ABI1: variants seen among roughly 807,000 people sequenced by gnomAD.
ABI1 encodes Abelson interactor 1.
Under a neutral mutation model 54.6 loss-of-function variants are expected in ABI1, and 14 were observed. The ratio of observed to expected loss-of-function variants is 0.26; its 90% CI spans 0.17 to 0.40. ABI1 has a LOEUF of 0.40. Ranked by LOEUF, ABI1 falls within the 10% of genes least tolerant of loss-of-function variation. The pLI is 1.00. For synonymous variants in ABI1, 194 were observed against 209.3 expected (o/e 0.93, Z 0.63); for missense variants, 443 against 598.3 (o/e 0.74, Z 2.71).
chr10:26,806,398 T>C (rs746497896), intron 2 of ABI1, among the ~76,000 whole-genome samples: 4 of 152,170 alleles, frequency 2.6e-5, no homozygotes, highest in Non-Finnish European at 5.9e-5. Context: ...AAATTGATGC[T>C]CCAGTGTCCA....
intron 1 of ABI1, among the ~76,000 whole-genome samples, chr10:26,851,852 A>T (rs761514000): frequency 5.9e-5 from 9 of 152,180 alleles, no homozygotes; most frequent in Non-Finnish European, 1.2e-4. Flanking sequence ...ACAAGAAAGG[A>T]AAGGGTCAGA....
intron 1 of ABI1, among the ~76,000 whole-genome samples, chr10:26,858,301 G>C (rs11015349): frequency 0.061 from 9,337 of 152,038 alleles, 424 homozygotes; most frequent in East Asian, 0.19. Flanking sequence ...TAGCACCAAA[G>C]TCAGCAGCAC....
intron 2 of ABI1, among the ~76,000 whole-genome samples, chr10:26,781,676 G>C (rs6482575): frequency 0.57 from 87,350 of 152,052 alleles, 27,272 homozygotes; most frequent in African/African-American, 0.83. Context: ...AACTGCCTAG[G>C]TATTTAGTCA....
intron 2 of ABI1, among the ~76,000 whole-genome samples, chr10:26,811,461 G>C (rs534762784): frequency 6.6e-5 from 10 of 152,230 alleles, no homozygotes; most frequent in Admixed American, 4.6e-4. Flanking sequence ...TTCCAAAGAA[G>C]GGGAGTTAGG....
intron 2 of ABI1, among the ~76,000 whole-genome samples, chr10:26,813,768 T>C (rs1032086406): frequency 1.3e-5 from 2 of 152,228 alleles, no homozygotes; most frequent in Admixed American, 6.5e-5. Flanking sequence ...ATGCCACTCT[T>C]CTCATAAATT....
intron 5 of ABI1, 106 bp from the exon 6 acceptor site, chr10:26,769,098 A>C: frequency 1.2e-6 from 1 of 830,162 alleles, no homozygotes; most frequent in Non-Finnish European, 1.7e-6. Context: ...CCAGGATTTA[A>C]AAATATATAT....
intron 2 of ABI1, among the ~76,000 whole-genome samples, chr10:26,791,386 AC>A (rs1446731832): frequency 1.3e-5 from 2 of 151,864 alleles, no homozygotes; most frequent in Admixed American, 6.6e-5. Context: ...GATACAACAC[AC>A]CCCCATCTAC....
At chr10:26,761,617 CATATATAT>C (rs1164854399) in intron 7 of ABI1, among the ~76,000 whole-genome samples, 3,037 of 49,808 alleles carry the variant, frequency 0.061, 111 homozygotes, top group African/African-American at 0.1. Flanking sequence ...TAGTTTTTGT[CATATATAT>C]ATATATATAT....
At chr10:26,826,355 G>C (rs1477696869) in intron 1 of ABI1, among the ~76,000 whole-genome samples, 2 of 152,152 alleles carry the variant, frequency 1.3e-5, no homozygotes, top group African/African-American at 2.4e-5. Flanking sequence ...TCAACAGTTG[G>C]CTTAAAAGAT....
chr10:26,854,775 T>C (rs1381675866), intron 1 of ABI1, among the ~76,000 whole-genome samples: 1 of 152,256 alleles, frequency 6.6e-6, no homozygotes, highest in Non-Finnish European at 1.5e-5. Flanking sequence ...ACCTGGTTTG[T>C]ATAGAAATCA....
intron 6 of ABI1, among the ~76,000 whole-genome samples, chr10:26,768,506 C>A (rs994750438): frequency 1.3e-5 from 2 of 151,722 alleles, no homozygotes; most frequent in Non-Finnish European, 2.9e-5. Flanking sequence ...CCACTACACT[C>A]CAGCCTGGGC....
At chr10:26,754,749 T>A (rs961674835) in intron 9 of ABI1, among the ~76,000 whole-genome samples, 12 of 152,338 alleles carry the variant, frequency 7.9e-5, no homozygotes, top group Admixed American at 5.2e-4. Flanking sequence ...TGAAGTAAAT[T>A]AAAAATAGAC....
intron 1 of ABI1, among the ~76,000 whole-genome samples, chr10:26,851,285 T>G (rs1035367562): frequency 6.7e-6 from 1 of 150,128 alleles, no homozygotes; most frequent in Non-Finnish European, 1.5e-5. Context: ...AGCCTCAAAC[T>G]CCTGGGCTCA....
intron 2 of ABI1, among the ~76,000 whole-genome samples, chr10:26,820,361 GA>G (rs930238204): frequency 1.3e-5 from 2 of 149,446 alleles, no homozygotes; most frequent in African/African-American, 2.5e-5. Flanking sequence ...GCTACTTAAT[GA>G]AAAAAAAATC....
chr10:26,814,037 C>T (rs565344848), intron 2 of ABI1, among the ~76,000 whole-genome samples: 94 of 152,144 alleles, frequency 6.2e-4, no homozygotes, highest in Non-Finnish European at 1.1e-3. Context: ...CGCCCTACCT[C>T]CCCAGTGCCC....
Position 26,823,251 on chromosome 10 carries a change from G to A in ABI1, c.172C>T (p.Leu58=). The change falls in exon 2 of 11, where the codon CTA becomes TTA. Residue 58 remains leucine, a synonymous_variant. Transcript: ENST00000376140. ...EETKAYTTQS[L]ASVAYQINAL... ...TTTATTTGATAAGCAACACTAGCTAGAGATTGGGTTGTATAGGCTTTGGTC... is the reference window on the plus strand; with the variant it reads ...TTTATTTGATAAGCAACACTAGCTAAAGATTGGGTTGTATAGGCTTTGGTC... The A allele has an allele frequency of 7.5e-6, 12 of 1,602,460 alleles. No individual in the cohort carries two copies. The highest frequency in any genetic ancestry group is 1.3e-5 in the African/African-American group (1 of 74,310).
intron 5 of ABI1, among the ~76,000 whole-genome samples, chr10:26,769,393 A>G (rs1840370055): frequency 6.6e-6 from 1 of 152,188 alleles, no homozygotes; most frequent in African/African-American, 2.4e-5. Flanking sequence ...TTCCCATCTC[A>G]ATATGGCAAT....
At chr10:26,755,768 A>G in intron 8 of ABI1, 27 bp from the exon 9 acceptor site, 1 of 1,475,196 alleles carries the variant, frequency 6.8e-7, no homozygotes, top group Non-Finnish European at 9.4e-7. Flanking sequence ...AGTATGGGGG[A>G]AGTAAAACAG....
intron 3 of ABI1, among the ~76,000 whole-genome samples, chr10:26,773,680 G>A (rs545339981): frequency 1.3e-5 from 2 of 152,212 alleles, no homozygotes; most frequent in African/African-American, 4.8e-5. Context: ...AGCATTCTGG[G>A]TTCCTACTTA....
Sources: gnomAD v4.1 joint callset for allele counts (sites outside exome capture counted in the v4.1 genomes callset) on GRCh38, gnomAD v4.1.1 for gene constraint, MANE v1.5 for transcripts, NCBI Gene and HGNC (gene_info 2026-07-23, HGNC 2026-07-21) for gene names.